The following UMOD variants were observed in gnomAD, a reference collection of about 807,000 sequenced individuals.
UMOD encodes Tamm-Horsfall urinary glycoprotein.
UMOD carries 64 observed loss-of-function variants against 66.0 expected under a neutral mutation model. That is an observed-to-expected ratio of 0.97 (90% CI 0.79 to 1.19). The LOEUF is 1.19. Ranked by LOEUF, UMOD falls within the 50% of genes most tolerant of loss-of-function variation. UMOD has a pLI of 0.00. For missense variants in UMOD, 764 were observed against 850.9 expected, an observed-to-expected ratio of 0.90 and a Z score of 1.27; for synonymous variants, 398 against 352.7, an observed-to-expected ratio of 1.13 and a Z score of -1.44.
intron 4 of UMOD, among the ~76,000 whole-genome samples, chr16:20,347,337 TCAAA>T (rs1965645211): frequency 6.6e-6 from 1 of 152,162 alleles, no homozygotes; most frequent in African/African-American, 2.4e-5. Context: ...AACTTCCCTC[TCAAA>T]CAGAGAGCAG....
chr16:20,339,724 T>C (rs957421561), intron 7 of UMOD, among the ~76,000 whole-genome samples: 11 of 152,244 alleles, frequency 7.2e-5, no homozygotes, highest in African/African-American at 2.7e-4. Context: ...AACCTCTTTG[T>C]CATTAACATA....
intron 5 of UMOD, 30 bp from the exon 6 acceptor site, chr16:20,344,202 G>GT: frequency 7.0e-7 from 1 of 1,427,362 alleles, no homozygotes; most frequent in South Asian, 1.1e-5. Flanking sequence ...TGGAGGGGGG[G>GT]TGGGGATGAG....
intron 2 of UMOD, 134 bp downstream of exon 2, chr16:20,350,512 TAGAA>T: frequency 8.4e-7 from 1 of 1,184,254 alleles, no homozygotes; most frequent in Non-Finnish European, 1.2e-6. Flanking sequence ...GAAATGGACT[TAGAA>T]TGAAGACAAT....
chr16:20,348,842 G>T lies in UMOD; in HGVS notation c.459C>A (p.Gly153=). Residue 153 remains glycine (G), a synonymous_variant, in exon 3 of 11, where the codon GGC becomes GGA. Transcript: ENST00000396138. ...CGCAGTCCAACCCCGGCCCGCAGGA[G>T]CCCGGGGAGCACTCACAGTGCCATC... ...GDGWHCECSP[G]SCGPGLDCVP... The T allele has an allele frequency of 1.3e-6, 2 of 1,547,540 alleles. No homozygotes were observed. Among genetic ancestry groups the T allele is most frequent in the Non-Finnish European group, 8.7e-7 (1 of 1,147,024 alleles).
intron 4 of UMOD, 75 bp from the exon 5 acceptor site, chr16:20,346,409 C>G (rs1787979006): frequency 6.6e-7 from 1 of 1,505,504 alleles, no homozygotes; most frequent in Admixed American, 1.7e-5. Flanking sequence ...GGGCCAGGTC[C>G]AGCTGGCTGG....
intron 7 of UMOD, 49 bp downstream of exon 7, chr16:20,341,042 C>G (rs763886590): frequency 6.3e-7 from 1 of 1,583,452 alleles, no homozygotes; most frequent in Non-Finnish European, 8.6e-7. Flanking sequence ...GTCCAAAGAC[C>G]CCCTCTGAAT....
rs559663104 is a variant in UMOD at position 20,335,106 on chromosome 16, G to A, written c.1861+376C>T. Among the ~76,000 whole-genome samples, 12 of 152,298 alleles carry A rather than the reference G, an allele frequency of 7.9e-5. No homozygotes were observed. In the East Asian group the frequency reaches 1.2e-3, roughly 15 times the overall value. ...CTCCCCAAGTGCTGGGATTATAGGC[G>A]TGAGCCACTGCGCCTGGCCTATTTG... On this transcript the variant is annotated intron_variant, in intron 10 of 10. Transcript: ENST00000396138.
chr16:20,344,350 C>T (rs192687043), intron 5 of UMOD, among the ~76,000 whole-genome samples, 178 bp from the exon 6 acceptor site: 1 of 152,250 alleles, frequency 6.6e-6, no homozygotes, highest in East Asian at 1.9e-4. Flanking sequence ...CGCTTGTAAT[C>T]CCAGCACTTT....
rs765968685 is a variant in UMOD, at chr16:20,337,316, T to C, written c.1715A>G (p.Asp572Gly). 1 of 1,614,186 alleles carries C rather than the reference T, an allele frequency of 6.2e-7. No individual in the cohort carries two copies. Among genetic ancestry groups the C allele is most frequent in the Admixed American group, 1.7e-5 (1 of 60,024 alleles). The change falls in exon 8 of 11, where the codon GAC becomes GGC. Residue 572 changes from aspartate to glycine, a missense_variant. Asp to Gly is a moderately conservative substitution (Grantham distance 94). Coordinates refer to ENST00000396138, the MANE Select transcript of UMOD (RefSeq NM_003361.4). ...VYLHCEVYLC[D>G]TMNEKCKPTC... Reference sequence around the variant, plus strand: ...AGGCTTGCACTTTTCATTCATGGTGTCACAGAGATAGACTTCACAGTGCAG... The same window carrying C: ...AGGCTTGCACTTTTCATTCATGGTGCCACAGAGATAGACTTCACAGTGCAG...
At chr16:20,349,655 G>A in intron 2 of UMOD, 3 of 1,437,922 alleles carry the variant, frequency 2.1e-6, no homozygotes, top group Non-Finnish European at 2.7e-6. Flanking sequence ...CTTTCAAGCT[G>A]TCTTCTTTTA....
chr16:20,348,459 T>G lies in UMOD; in HGVS notation c.842A>C (p.Glu281Ala). ...ACCTGTGCAGTACGCCAGGTGACAC[T>G]CGGGGGGCGCTGTCAGGTTGTAGAC... ...YYVYNLTAPP[E>A]CHLAYCTDPS... Residue 281 changes from glutamate to alanine, a missense_variant, in exon 3 of 11, where the codon GAG becomes GCG. Glu to Ala is a moderately radical substitution (Grantham distance 107). Coordinates refer to ENST00000396138, the MANE Select transcript of UMOD (RefSeq NM_003361.4). 6.2e-7 allele frequency: 1 copy of G among 1,613,450 alleles called. No individual in the cohort carries two copies. Among genetic ancestry groups the G allele is most frequent in the East Asian group, 2.2e-5 (1 of 44,872 alleles).
intron 8 of UMOD, 143 bp downstream of exon 8, chr16:20,337,148 G>A: frequency 8.6e-7 from 1 of 1,161,116 alleles, no homozygotes. Flanking sequence ...TAGGTTTCCT[G>A]CCTAGCCACG....
At chr16:20,355,443 A>G (rs149977864), upstream of UMOD, among the ~76,000 whole-genome samples, 3,289 of 143,100 alleles carry the variant, frequency 0.023, 112 homozygotes, top group African/African-American at 0.074. Context: ...TTGCTCTGTC[A>G]CCCAGGTTGG....
At chr16:20,340,212 A>G (rs561337928) in intron 7 of UMOD, among the ~76,000 whole-genome samples, 2 of 152,308 alleles carry the variant, frequency 1.3e-5, no homozygotes, top group Admixed American at 6.5e-5. Flanking sequence ...TCAAAATATT[A>G]AAAACATTTG....
At chr16:20,338,833 C>T (rs1965023371) in intron 7 of UMOD, among the ~76,000 whole-genome samples, 1 of 152,120 alleles carries the variant, frequency 6.6e-6, no homozygotes, top group Admixed American at 6.5e-5. Flanking sequence ...GATCTTGGCT[C>T]ACTGCAACCT....
chr16:20,337,422 C>G lies in UMOD; in HGVS notation c.1609G>C (p.Val537Leu). 2 of 1,614,166 alleles carry G rather than the reference C, an allele frequency of 1.2e-6. No homozygotes were observed. The highest frequency in any genetic ancestry group is 1.7e-6 in the Non-Finnish European group (2 of 1,180,030). Residue 537 changes from valine to leucine, a missense_variant, in exon 8 of 11, where the codon GTG becomes CTG. Transcript: ENST00000396138. Reference protein sequence around the residue: ...CPHTRDSTIQVVENGESSQGR... With the variant: ...CPHTRDSTIQLVENGESSQGR... ...TGGGAGGACTCCCCATTCTCCACCA[C>G]TTGGATAGTTGAGTCTCTAGTGTGT...
At chr16:20,350,596 T>G (rs1965841065) in intron 2 of UMOD, 54 bp downstream of exon 2, 2 of 1,603,222 alleles carry the variant, frequency 1.2e-6, no homozygotes, top group Admixed American at 1.7e-5. Flanking sequence ...CCCCACACAT[T>G]CACACATACA....
At chr16:20,339,320 T>G (rs1406625705) in intron 7 of UMOD, among the ~76,000 whole-genome samples, 7 of 152,346 alleles carry the variant, frequency 4.6e-5, no homozygotes. Context: ...ATCTGTATTA[T>G]TATTTACTTA....
Position 20,344,062 on chromosome 16 carries a change from C to G in UMOD, c.1293G>C (p.Met431Ile), listed in dbSNP as rs1965390411. The change falls in exon 6 of 11, where the codon ATG becomes ATC. Residue 431 changes from methionine (M) to isoleucine (I), a missense_variant. Physicochemically the swap from Met to Ile is conservative, Grantham distance 10 (BLOSUM62 1). Coordinates refer to ENST00000396138, the MANE Select transcript of UMOD (RefSeq NM_003361.4). ...GTAGGGCGGTCTTCAGGCTGACTTT[C>G]ATGTCCAGGGGGTAGGAGCATGCAA... ...INFACSYPLD[M>I]KVSLKTALQP... 1.2e-6 allele frequency: 2 copies of G among 1,613,892 alleles called. No homozygotes were observed. The highest frequency in any genetic ancestry group is 1.7e-5 in the Admixed American group (1 of 59,972).
Sources: gnomAD v4.1 joint callset for allele counts (sites outside exome capture counted in the v4.1 genomes callset) on GRCh38, gnomAD v4.1.1 for gene constraint, MANE v1.5 for transcripts, NCBI Gene and HGNC (gene_info 2026-07-23, HGNC 2026-07-21) for gene names.